PLD5: variants seen among roughly 807,000 people sequenced by gnomAD.
PLD5 encodes inactive phospholipase D5.
In PLD5, 36 loss-of-function variants were observed where a neutral mutation model predicts 61.1. The observed-to-expected ratio is 0.59, with a 90% CI of 0.45 to 0.78. The LOEUF (loss-of-function observed/expected upper bound fraction) is 0.78. Among genes scored for constraint, PLD5 ranks in the 30% least tolerant of loss-of-function variants. The probability of loss-of-function intolerance (pLI) is 0.00; values close to 1 mark genes in which losing one functional copy is unlikely to be tolerated. For missense variants in PLD5, 515 were observed against 644.4 expected, an observed-to-expected ratio of 0.80 and a Z score of 2.17; for synonymous variants, 243 against 242.8, an observed-to-expected ratio of 1.00 and a Z score of -0.01.
At position 242,501,790 on chromosome 1, in the gene PLD5, T is replaced by TTATATA. The variant is rs10648981; in HGVS notation, c.189+22292_189+22297dup. 5.6e-3 allele frequency among the ~76,000 whole-genome samples: 819 copies of TTATATA among 147,184 alleles called. 6 individuals carry two copies. The highest frequency in any genetic ancestry group is 0.018 in the African/African-American group (733 of 40,582). The stretch of plus-strand genomic sequence containing the variant: ...AAAATTAAGATATATTAATATTCCA[T>TTATATA]TATATATATATATATATATACACTA... On this transcript the variant is annotated intron_variant, in intron 1 of 9. Transcript: ENST00000536534.
At chr1:242,244,331 G>T (rs1360286284) in intron 4 of PLD5, among the ~76,000 whole-genome samples, 3 of 152,186 alleles carry the variant, frequency 2.0e-5, no homozygotes, top group Non-Finnish European at 4.4e-5. Flanking sequence ...GATCCAGGAA[G>T]ACTTGGTCCC....
chr1:242,413,871 C>T (rs1224021711), intron 1 of PLD5, among the ~76,000 whole-genome samples: 3 of 152,130 alleles, frequency 2.0e-5, no homozygotes, highest in African/African-American at 7.2e-5. Context: ...GGACAAAGGG[C>T]AGAGAATAAG....
At chr1:242,149,682 C>CAT (rs1013092958) in intron 5 of PLD5, among the ~76,000 whole-genome samples, 15 of 151,190 alleles carry the variant, frequency 9.9e-5, no homozygotes, top group Non-Finnish European at 1.6e-4. Flanking sequence ...CACACACACA[C>CAT]ACACACACAC....
At chr1:242,135,585 C>T (rs1663653904) in intron 5 of PLD5, among the ~76,000 whole-genome samples, 1 of 151,932 alleles carries the variant, frequency 6.6e-6, no homozygotes, top group Non-Finnish European at 1.5e-5. Context: ...TGCAGAGAGG[C>T]CTCATAGGAT....
chr1:242,217,725 GT>G (rs1670306353), intron 5 of PLD5, among the ~76,000 whole-genome samples: 1 of 152,180 alleles, frequency 6.6e-6, no homozygotes, highest in Non-Finnish European at 1.5e-5. Flanking sequence ...ACTCTGAGGG[GT>G]TTAAGACTTC....
In PLD5 at chr1:242,108,281, A is replaced by T. The variant is rs546051232; in HGVS notation, c.1071-442T>A. Reference sequence around the variant, plus strand: ...CCCGAAATGAACTTACGCTCTGGTCATCTGAGCTTCCCCACACTTCCTTTT... The same window carrying T: ...CCCGAAATGAACTTACGCTCTGGTCTTCTGAGCTTCCCCACACTTCCTTTT... On this transcript the variant is annotated intron_variant, in intron 7 of 9. Coordinates refer to ENST00000536534, the MANE Select transcript of PLD5 (RefSeq NM_001372062.1). 1.5e-4 allele frequency among the ~76,000 whole-genome samples: 23 copies of T among 152,274 alleles called. 1 individual carries two copies. In the South Asian group the frequency reaches 4.6e-3, roughly 30 times the overall value.
At chr1:242,153,142 G>A (rs1665070192) in intron 5 of PLD5, among the ~76,000 whole-genome samples, 1 of 151,352 alleles carries the variant, frequency 6.6e-6, no homozygotes, top group Admixed American at 6.6e-5. Context: ...TTTGTTGTCT[G>A]CATAGATGTA....
chr1:242,215,042 AAT>A (rs1491255313), intron 5 of PLD5, among the ~76,000 whole-genome samples: 2 of 70,878 alleles, frequency 2.8e-5, no homozygotes, highest in African/African-American at 8.5e-5. Flanking sequence ...GTGCCTGGCC[AAT>A]TTTTTTTTTT....
chr1:242,171,210 C>A (rs1490579842), intron 5 of PLD5, among the ~76,000 whole-genome samples: 1 of 152,142 alleles, frequency 6.6e-6, no homozygotes, highest in Non-Finnish European at 1.5e-5. Flanking sequence ...AGCCTACAAG[C>A]CAGAAGAGAG....
intron 4 of PLD5, among the ~76,000 whole-genome samples, chr1:242,255,526 A>G (rs1357094471): frequency 6.6e-6 from 1 of 152,236 alleles, no homozygotes; most frequent in East Asian, 1.9e-4. Flanking sequence ...GCAGCACACC[A>G]ACATGGCATG....
At position 242,393,632 on chromosome 1, in the gene PLD5, ATATATGTGTATATATATGAG is replaced by A. The variant is rs1663114054; in HGVS notation, c.190-45410_190-45391del. ...CATATATGTGTATATATATGAGTAT[ATATATGTGTATATATATGAG>A]TATATATGTGTATATATATGAGTAT... On this transcript the variant is annotated intron_variant, in intron 1 of 9. Transcript: ENST00000536534. 5.7e-5 allele frequency among the ~76,000 whole-genome samples: 6 copies of A among 104,438 alleles called. 1 individual carries two copies. The highest frequency in any genetic ancestry group is 2.5e-4 in the African/African-American group (6 of 24,002). The allele number at this position is 104,438 out of a possible 152,430, so 68.5% of individuals were successfully genotyped here. A position where few individuals can be genotyped will look rare whatever the true frequency, so the allele number is the denominator to read the frequency against.
chr1:242,375,974 T>C (rs1419289176), intron 1 of PLD5, among the ~76,000 whole-genome samples: 1 of 152,164 alleles, frequency 6.6e-6, no homozygotes, highest in African/African-American at 2.4e-5. Flanking sequence ...AGTCAACTGA[T>C]TTTTTTCTGT....
chr1:242,485,283 A>T (rs1485341619), intron 1 of PLD5, among the ~76,000 whole-genome samples: 1 of 152,232 alleles, frequency 6.6e-6, no homozygotes, highest in Non-Finnish European at 1.5e-5. Context: ...CTGTTTGCAG[A>T]TGACATGATT....
At chr1:242,354,174 T>C (rs1348912310) in intron 1 of PLD5, among the ~76,000 whole-genome samples, 1 of 152,064 alleles carries the variant, frequency 6.6e-6, no homozygotes, top group African/African-American at 2.4e-5. Flanking sequence ...TCCTTGCTCA[T>C]AGGCATAAGA....
intron 5 of PLD5, among the ~76,000 whole-genome samples, chr1:242,150,160 A>T (rs1032267429): frequency 3.3e-5 from 5 of 151,752 alleles, no homozygotes; most frequent in African/African-American, 1.2e-4. Context: ...CACAGATTGT[A>T]TTCATTATAA....
intron 1 of PLD5, 145 bp downstream of exon 1, chr1:242,523,943 G>T: frequency 1.2e-6 from 1 of 864,552 alleles, no homozygotes; most frequent in Non-Finnish European, 1.7e-6. Context: ...AGGCAGAGAA[G>T]CCCCCGAATC....
intron 1 of PLD5, among the ~76,000 whole-genome samples, chr1:242,353,074 T>G (rs1210070501): frequency 2.6e-5 from 4 of 152,196 alleles, no homozygotes; most frequent in Non-Finnish European, 5.9e-5. Context: ...CTTTGTTGCC[T>G]GTGCTTTCGA....
At chr1:242,510,161 A>G (rs1279098563) in intron 1 of PLD5, among the ~76,000 whole-genome samples, 1 of 152,050 alleles carries the variant, frequency 6.6e-6, no homozygotes, top group Non-Finnish European at 1.5e-5. Context: ...TTGGCTCATG[A>G]TGGCTGACTA....
chr1:242,337,526 T>C (rs949075161), intron 2 of PLD5, among the ~76,000 whole-genome samples: 1 of 152,052 alleles, frequency 6.6e-6, no homozygotes, highest in Non-Finnish European at 1.5e-5. Context: ...AGATACTCAG[T>C]AGGCTGAGGC....
Sources: allele counts gnomAD v4.1 joint callset (sites outside exome capture counted in the v4.1 genomes callset), GRCh38; gene constraint gnomAD v4.1.1; transcripts MANE v1.5; gene names NCBI Gene and HGNC (gene_info 2026-07-23, HGNC 2026-07-21).